KDM4A: variants seen among roughly 807,000 people sequenced by gnomAD.
KDM4A encodes lysine-specific demethylase 4A.
In KDM4A, 23 loss-of-function variants were observed where a neutral mutation model predicts 127.1. The ratio of observed to expected loss-of-function variants is 0.18; its 90% CI spans 0.13 to 0.26. The LOEUF (loss-of-function observed/expected upper bound fraction) is 0.26, where lower values mean the gene tolerates loss of function less well. KDM4A is among the 10% of genes least tolerant of loss of function. The pLI is 1.00. For synonymous variants in KDM4A, 443 were observed against 466.5 expected, an observed-to-expected ratio of 0.95 and a Z score of 0.65; for missense variants, 890 against 1,329.1, an observed-to-expected ratio of 0.67 and a Z score of 5.14.
intron 2 of KDM4A, among the ~76,000 whole-genome samples, chr1:43,655,288 C>T (rs1332036545): frequency 6.6e-6 from 1 of 152,022 alleles, no homozygotes; most frequent in Non-Finnish European, 1.5e-5. Flanking sequence ...AAAGAGAGCC[C>T]TGGGCTAGGA....
chr1:43,663,481 G>A (rs990637823), intron 5 of KDM4A, among the ~76,000 whole-genome samples: 6 of 152,134 alleles, frequency 3.9e-5, no homozygotes, highest in African/African-American at 1.4e-4. Flanking sequence ...TAATACTTGG[G>A]GAGCAGCAGT....
Position 43,671,648 on chromosome 1 carries a change from G to T in KDM4A, c.1507G>T (p.Gly503Cys), listed in dbSNP as rs373467522. The part of the protein sequence containing the change: ...ASVGGRLVFS[G>C]SKKKSSSSLG... ...TGTAGGGGGACGCCTTGTCTTCTCA[G>T]GCTCCAAAAAGAAATCATCTTCTAG... is the stretch of plus-strand genomic sequence containing the variant. Residue 503 changes from glycine to cysteine, a missense_variant, in exon 11 of 22, where the codon GGC becomes TGC. By Grantham distance (159) the Gly-to-Cys change is radical. Around this residue, in one of 7 missense-constraint regions of KDM4A, gnomAD observed 389 missense variants for 485.9 expected, o/e 0.80. Coordinates refer to ENST00000372396, the MANE Select transcript of KDM4A (RefSeq NM_014663.3). 4.7e-5 allele frequency: 76 copies of T among 1,613,216 alleles called. No individual in the cohort carries two copies. The highest frequency in any genetic ancestry group is 8.4e-5 in the Admixed American group (5 of 59,856).
chr1:43,683,586 CTG>C, intron 11 of KDM4A, 96 bp from the exon 12 acceptor site: 1 of 1,390,686 alleles, frequency 7.2e-7, no homozygotes, highest in Non-Finnish European at 9.8e-7. Flanking sequence ...TTTTGTTTCT[CTG>C]TGCCCCTCTC....
At position 43,697,964 on chromosome 1, in the gene KDM4A, A is replaced by G; in HGVS notation, c.2792A>G (p.Asn931Ser). The change falls in exon 19 of 22, where the codon AAC (asparagine) becomes AGC (serine). Residue 931 changes from asparagine to serine, a missense_variant. Physicochemically the swap from Asn to Ser is conservative, Grantham distance 46 (BLOSUM62 1). Coordinates refer to ENST00000372396, the MANE Select transcript of KDM4A (RefSeq NM_014663.3). ...RLTTETFYEV[N>S]FDDGSFSDNL... Reference sequence around the variant, plus strand: ...ACCACCGAGACCTTCTATGAAGTCAACTTTGATGATGGCTCCTTCAGCGAC... The same window carrying G: ...ACCACCGAGACCTTCTATGAAGTCAGCTTTGATGATGGCTCCTTCAGCGAC... 6.2e-7 allele frequency: 1 copy of G among 1,613,976 alleles called. No individual in the cohort carries two copies. The highest frequency in any genetic ancestry group is 8.5e-7 in the Non-Finnish European group (1 of 1,180,032).
chr1:43,654,452 CTTTTTTCTTTTT>C (rs547074004), intron 2 of KDM4A, among the ~76,000 whole-genome samples: 44 of 151,598 alleles, frequency 2.9e-4, no homozygotes, highest in African/African-American at 1.0e-3. Context: ...TTCGTTCATT[CTTTTTTCTTTTT>C]TTTTTTCTTT....
At chr1:43,672,597 C>G (rs1459696155) in intron 11 of KDM4A, among the ~76,000 whole-genome samples, 1 of 151,888 alleles carries the variant, frequency 6.6e-6, no homozygotes, top group Non-Finnish European at 1.5e-5. Context: ...TGGGTTCACA[C>G]CATTCTCCTG....
intron 13 of KDM4A, 194 bp from the exon 14 acceptor site, chr1:43,690,651 T>C: frequency 3.2e-6 from 2 of 633,956 alleles, no homozygotes; most frequent in South Asian, 3.6e-5. Context: ...CTTTGTATGA[T>C]GCTGCTGTGA....
intron 4 of KDM4A, among the ~76,000 whole-genome samples, chr1:43,662,243 C>G (rs909328925): frequency 1.4e-5 from 2 of 139,370 alleles, no homozygotes; most frequent in African/African-American, 6.7e-5. Context: ...TTTTTGTGGT[C>G]ATAGAGTTTT....
At chr1:43,685,439 G>A (rs879559042) in intron 12 of KDM4A, among the ~76,000 whole-genome samples, 4 of 151,654 alleles carry the variant, frequency 2.6e-5, no homozygotes, top group South Asian at 2.1e-4. Flanking sequence ...TCTGATGTCA[G>A]TGCCCCATCT....
At chr1:43,655,856 G>A (rs1209737848) in intron 3 of KDM4A, 90 bp downstream of exon 3, 3 of 1,093,372 alleles carry the variant, frequency 2.7e-6, no homozygotes, top group Non-Finnish European at 3.8e-6. Flanking sequence ...CTGTCCTGAT[G>A]AACAGTGTCT....
intron 3 of KDM4A, among the ~76,000 whole-genome samples, chr1:43,659,877 G>C (rs1660331037): frequency 6.6e-6 from 1 of 152,210 alleles, no homozygotes; most frequent in Admixed American, 6.5e-5. Context: ...GGCTGGTTCA[G>C]GGAGGTGAAT....
rs528690130 is a variant in KDM4A at position 43,657,723 on chromosome 1, T to C, written c.314+1957T>C. 1.4e-4 allele frequency among the ~76,000 whole-genome samples: 21 copies of C among 151,810 alleles called. No homozygotes were observed. The South Asian group carries it at 4.2e-3, about 30-fold the overall frequency. ...GGGCTTCAGTCTCCTCAGCCTTTTT[T>C]CCCTTTTTGTTAAGGCTTTTTCTTT... On this transcript the variant is annotated intron_variant, in intron 3 of 21. Coordinates refer to ENST00000372396, the MANE Select transcript of KDM4A (RefSeq NM_014663.3).
chr1:43,689,156 A>C, intron 13 of KDM4A, 61 bp downstream of exon 13: 1 of 1,538,100 alleles, frequency 6.5e-7, no homozygotes, highest in Non-Finnish European at 8.9e-7. Flanking sequence ...AGCTAGATTT[A>C]ATTGTGAGTA....
intron 11 of KDM4A, among the ~76,000 whole-genome samples, chr1:43,675,854 C>T (rs1344379837): frequency 5.3e-5 from 8 of 151,876 alleles, no homozygotes; most frequent in Non-Finnish European, 1.0e-4. Context: ...GGGTGGATCA[C>T]CTGAGGTCAG....
At chr1:43,681,203 G>T (rs1570851232) in intron 11 of KDM4A, among the ~76,000 whole-genome samples, 1 of 152,128 alleles carries the variant, frequency 6.6e-6, no homozygotes, top group African/African-American at 2.4e-5. Flanking sequence ...TCCCTGCTCA[G>T]CTCTTCTATG....
intron 2 of KDM4A, 148 bp downstream of exon 2, chr1:43,653,461 C>T: frequency 3.0e-6 from 2 of 671,456 alleles, no homozygotes; most frequent in Non-Finnish European, 4.8e-6. Flanking sequence ...AAGTTAATTC[C>T]CGTTGTTAAC....
intron 11 of KDM4A, among the ~76,000 whole-genome samples, chr1:43,681,011 T>G (rs1030173976): frequency 6.6e-6 from 1 of 152,184 alleles, no homozygotes; most frequent in Non-Finnish European, 1.5e-5. Flanking sequence ...GCCCCTATCA[T>G]AGCTAAAATA....
intron 12 of KDM4A, among the ~76,000 whole-genome samples, chr1:43,686,046 C>T (rs971282682): frequency 5.9e-5 from 9 of 152,052 alleles, no homozygotes; most frequent in African/African-American, 2.2e-4. Context: ...TATTATCTTC[C>T]TGGCTTTTCT....
intron 19 of KDM4A, among the ~76,000 whole-genome samples, chr1:43,700,505 A>C (rs1304964158): frequency 6.6e-6 from 1 of 151,802 alleles, no homozygotes; most frequent in Non-Finnish European, 1.5e-5. Context: ...TGGAAGTAAC[A>C]ACTTTTTTTG....
Sources: gnomAD v4.1 joint callset for allele counts (sites outside exome capture counted in the v4.1 genomes callset) on GRCh38, gnomAD v4.1.1 for gene constraint, gnomAD v4.1.1 regional missense constraint, MANE v1.5 for transcripts, NCBI Gene and HGNC (gene_info 2026-07-23, HGNC 2026-07-21) for gene names.